The following CES5A variants were observed in gnomAD, a reference collection of about 807,000 sequenced individuals.
The protein encoded by CES5A is carboxylesterase 5A, also known as carboxylesterase 5.
A neutral mutation model predicts 62.9 loss-of-function variants in CES5A; 67 were observed. The observed-to-expected ratio is 1.07, with a 90% confidence interval of 0.88 to 1.31. The LOEUF is 1.31. Ranked by LOEUF, CES5A falls within the 50% of genes most tolerant of loss-of-function variation. The pLI, the probability that CES5A is intolerant of heterozygous loss-of-function variation, is 0.00. For missense variants in CES5A, 748 were observed against 708.5 expected, an observed-to-expected ratio of 1.06 and a Z score of -0.63; for synonymous variants, 296 against 280.8, an observed-to-expected ratio of 1.05 and a Z score of -0.54.
chr16:55,947,695 T>G (rs897057527), intron 2 of CES5A, among the ~76,000 whole-genome samples: 5 of 152,010 alleles, frequency 3.3e-5, no homozygotes, highest in South Asian at 2.1e-4. Context: ...TAAGATCACA[T>G]TTGAAATGGA....
chr16:55,936,901 C>G (rs752810156), intron 2 of CES5A, among the ~76,000 whole-genome samples: 8 of 152,058 alleles, frequency 5.3e-5, no homozygotes, highest in African/African-American at 7.2e-5. Flanking sequence ...ACACCTTAAA[C>G]AATTTAATCC....
rs2142400395 is a variant in CES5A, at chr16:55,863,464, A to C, written c.706-12T>G. ...ATGGGAGACAGTATCTGGAGAGAGA[A>C]CACAGAAGACCCAGGAAAGGTTACT... On this transcript the variant is annotated splice_polypyrimidine_tract_variant and intron_variant, in intron 5 of 12. Coordinates refer to ENST00000290567, the MANE Select transcript of CES5A (RefSeq NM_001143685.2). 2.2e-6 allele frequency: 3 copies of C among 1,363,932 alleles called. No individual in the cohort carries two copies. Among genetic ancestry groups the C allele is most frequent in the Non-Finnish European group, 3.1e-6 (3 of 953,458 alleles). The allele number at this position is 1,363,932 out of a possible 1,614,324, so 84.5% of individuals were successfully genotyped here.
At chr16:55,852,315 C>A (rs567791831) in intron 10 of CES5A, among the ~76,000 whole-genome samples, 10 of 152,234 alleles carry the variant, frequency 6.6e-5, no homozygotes, top group African/African-American at 2.2e-4. Flanking sequence ...TTTCTAATTT[C>A]ATTGCCTTGT....
chr16:55,909,665 G>A lies in CES5A; in HGVS notation c.-256+15658C>T, dbSNP rs149679306. ...TGAGCTACCATGAATAAGAAAAAGG[G>A]GCCAGTGGCTAAAGTGAATGGCCCA... is the stretch of plus-strand genomic sequence containing the variant. On this transcript the variant is annotated intron_variant, in intron 1 of 12. Coordinates refer to the CES5A transcript ENST00000518005. Among the ~76,000 whole-genome samples, 816 of 152,222 alleles carry A rather than the reference G, an allele frequency of 5.4e-3. 7 individuals carry two copies. Among genetic ancestry groups the A allele is most frequent in the African/African-American group, 0.018 (750 of 41,562 alleles).
At chr16:55,948,393 G>C (rs1835031078) in intron 2 of CES5A, among the ~76,000 whole-genome samples, 1 of 152,206 alleles carries the variant, frequency 6.6e-6, no homozygotes, top group South Asian at 2.1e-4. Flanking sequence ...CAGTTAATCT[G>C]CACTTTACAT....
intron 5 of CES5A, 103 bp downstream of exon 5, chr16:55,865,860 G>C: frequency 7.8e-7 from 1 of 1,283,882 alleles, no homozygotes; most frequent in Non-Finnish European, 1.1e-6. Context: ...TGTATTAAAG[G>C]GTTTGTTCAA....
chr16:55,900,206 GC>G (rs2033976665), intron 1 of CES5A, among the ~76,000 whole-genome samples: 1 of 152,158 alleles, frequency 6.6e-6, no homozygotes, highest in African/African-American at 2.4e-5. Context: ...GTCATGCCCT[GC>G]CCCAGGAGAA....
At chr16:55,954,594 A>G (rs1337019619) in intron 1 of CES5A, among the ~76,000 whole-genome samples, 1 of 152,148 alleles carries the variant, frequency 6.6e-6, no homozygotes, top group Non-Finnish European at 1.5e-5. Context: ...AGCTGTCACC[A>G]TCTCAAGGAA....
chr16:55,873,495 G>A lies in CES5A; in HGVS notation c.278+338C>T, dbSNP rs368603479. Reference sequence around the variant, plus strand: ...CCCTTCTGACCAAAGGACTCAGTACGCCCATTTCAGCACTTCTAAAAAAAA... The same window carrying A: ...CCCTTCTGACCAAAGGACTCAGTACACCCATTTCAGCACTTCTAAAAAAAA... On this transcript the variant is annotated intron_variant, in intron 2 of 12. Transcript: ENST00000290567. 2.3e-4 allele frequency among the ~76,000 whole-genome samples: 35 copies of A among 152,206 alleles called. No individual in the cohort carries two copies. The East Asian group carries it at 6.0e-3, about 26-fold the overall frequency.
Position 55,846,387 on chromosome 16 carries a change from G to A in CES5A, c.*64C>T. The A allele has an allele frequency of 7.9e-7, 1 of 1,273,796 alleles. No homozygotes were observed. The highest frequency in any genetic ancestry group is 1.1e-6 in the Non-Finnish European group (1 of 882,222). 78.9% of individuals were successfully genotyped at this position (1,273,796 alleles called of 1,614,324 possible). A position where few individuals can be genotyped will look rare whatever the true frequency, so the allele number is the denominator to read the frequency against. On this transcript the variant is annotated 3_prime_UTR_variant, in exon 13 of 13. Coordinates refer to ENST00000290567, the MANE Select transcript of CES5A (RefSeq NM_001143685.2). ...AGAAAGCAGCTGAGCTCAGAAAGAA[G>A]CTAATGATTGCGGGAGAAATTATGG... is the stretch of plus-strand genomic sequence containing the variant.
At chr16:55,928,257 A>G (rs1437425074), upstream of CES5A, among the ~76,000 whole-genome samples, 17 of 152,126 alleles carry the variant, frequency 1.1e-4, no homozygotes, top group East Asian at 2.3e-3. Context: ...AAAAAAAATC[A>G]TCTTTTCCAG....
chr16:55,880,112 A>T (rs1322523820), upstream of CES5A, among the ~76,000 whole-genome samples: 1 of 152,178 alleles, frequency 6.6e-6, no homozygotes, highest in African/African-American at 2.4e-5. Flanking sequence ...GGACCATGTG[A>T]TCTCTCATGC....
upstream of CES5A, among the ~76,000 whole-genome samples, chr16:55,927,612 A>T (rs1324115489): frequency 6.6e-6 from 1 of 152,202 alleles, no homozygotes; most frequent in Non-Finnish European, 1.5e-5. Flanking sequence ...ACAAGTCAAA[A>T]ATCAATAGAT....
Position 55,882,936 on chromosome 16 carries a change from G to A in CES5A, c.-255-8899C>T, listed in dbSNP as rs1051495813. On this transcript the variant is annotated intron_variant, in intron 1 of 12. Coordinates refer to the CES5A transcript ENST00000518005. ...GAGCGTGATGTTCTTGGGACATCCAGGCAGTGAAATGGACTATATTGTGAG... is the reference window on the plus strand; with the variant it reads ...GAGCGTGATGTTCTTGGGACATCCAAGCAGTGAAATGGACTATATTGTGAG... Among the ~76,000 whole-genome samples the A allele has an allele frequency of 1.5e-4, 23 of 152,194 alleles. 1 individual carries two copies. Among genetic ancestry groups the A allele is most frequent in the Admixed American group, 6.5e-5 (1 of 15,286 alleles).
At chr16:55,926,051 T>C (rs2034255037), upstream of CES5A, among the ~76,000 whole-genome samples, 1 of 152,146 alleles carries the variant, frequency 6.6e-6, no homozygotes. Flanking sequence ...ACCTAGTGTT[T>C]GCTAGATCTG....
chr16:55,906,479 C>T (rs763777263), intron 1 of CES5A, among the ~76,000 whole-genome samples: 1 of 152,186 alleles, frequency 6.6e-6, no homozygotes, highest in African/African-American at 2.4e-5. Context: ...CCTTGCTCTG[C>T]ACCAGATCTT....
At chr16:55,939,111 C>A (rs2034419764) in intron 2 of CES5A, among the ~76,000 whole-genome samples, 1 of 151,982 alleles carries the variant, frequency 6.6e-6, no homozygotes, top group East Asian at 1.9e-4. Context: ...CAGGCAAACT[C>A]TTCTCAAGCT....
At chr16:55,945,921 C>T (rs1013723657) in intron 2 of CES5A, among the ~76,000 whole-genome samples, 3 of 152,240 alleles carry the variant, frequency 2.0e-5, no homozygotes, top group South Asian at 2.1e-4. Flanking sequence ...CAGTCCCTCT[C>T]CCTATGCCCC....
chr16:55,950,614 G>A (rs1369335584), intron 1 of CES5A, among the ~76,000 whole-genome samples: 6 of 151,148 alleles, frequency 4.0e-5, no homozygotes, highest in Non-Finnish European at 8.8e-5. Context: ...AAAGAGAAAT[G>A]GAAAATAATT....
Sources: allele counts gnomAD v4.1 joint callset (sites outside exome capture counted in the v4.1 genomes callset), GRCh38; gene constraint gnomAD v4.1.1; transcripts MANE v1.5; gene names NCBI Gene and HGNC (gene_info 2026-07-23, HGNC 2026-07-21).